MYSM1: variants seen among roughly 807,000 people sequenced by gnomAD.
The protein encoded by MYSM1 is deubiquitinase MYSM1.
A neutral mutation model predicts 116.0 loss-of-function variants in MYSM1; 51 were observed. The ratio of observed to expected loss-of-function variants is 0.44; its 90% CI spans 0.35 to 0.56. The LOEUF (loss-of-function observed/expected upper bound fraction) is 0.56, where lower values mean the gene tolerates loss of function less well. MYSM1 is among the 20% of genes least tolerant of loss of function. The pLI is 0.00. For synonymous variants in MYSM1, 313 were observed against 315.2 expected (o/e 0.99, Z 0.07); for missense variants, 900 against 974.9 (o/e 0.92, Z 1.02).
chr1:58,682,676 T>C, intron 7 of MYSM1, 131 bp from the exon 8 acceptor site: 3 of 789,588 alleles, frequency 3.8e-6, no homozygotes, highest in Non-Finnish European at 3.6e-6. Flanking sequence ...ATACCTCTAA[T>C]GCGCTTTTCT....
At chr1:58,698,102 A>ATATATATATATATATTTTTTTTTTTT in intron 1 of MYSM1, among the ~76,000 whole-genome samples, 6 of 7,766 alleles carry the variant, frequency 7.7e-4, no homozygotes, top group Non-Finnish European at 1.5e-3. Flanking sequence ...ATATATATAT[A>ATATATATATATATATTTTTTTTTTTT]TTTTTTTTTT....
At chr1:58,666,888 T>TA (rs1644480502) in intron 16 of MYSM1, 150 bp downstream of exon 16, 10 of 216,526 alleles carry the variant, frequency 4.6e-5, no homozygotes, top group Middle Eastern at 1.1e-3. Flanking sequence ...AAAAAAATAA[T>TA]AATAAAAATA....
chr1:58,699,530 G>T, intron 1 of MYSM1: 1 of 688,394 alleles, frequency 1.5e-6, no homozygotes, highest in Non-Finnish European at 1.8e-6. Flanking sequence ...CTGCTTCTCG[G>T]GAAGTTTTAC....
Position 58,682,532 on chromosome 1 carries a change from A to C in MYSM1, c.512T>G (p.Leu171Arg). 1 of 1,603,758 alleles carries C rather than the reference A, an allele frequency of 6.2e-7. No homozygotes were observed. The highest frequency in any genetic ancestry group is 8.5e-7 in the Non-Finnish European group (1 of 1,175,598). ...CTTCTGATTTGGTGTTTCTTTATCC[A>C]GACCGCATTTGACCTTATTAAAAAT... ...QYFKNKVKCG[L>R]DKETPNQKTG... Residue 171 changes from leucine to arginine, a missense_variant, in exon 8 of 20, where the codon CTG (leucine) becomes CGG (arginine). Leu to Arg is a moderately radical substitution (Grantham distance 102). This residue lies in a region of MYSM1 where 622 missense variants were observed against 623.7 expected (regional missense o/e 1.00). Transcript: ENST00000472487.
chr1:58,696,549 T>G (rs1644976712), intron 1 of MYSM1, among the ~76,000 whole-genome samples: 1 of 152,228 alleles, frequency 6.6e-6, no homozygotes, highest in South Asian at 2.1e-4. Flanking sequence ...TTCTGCTGTT[T>G]CTCCCATTTT....
chr1:58,695,053 A>T (rs1569809208), intron 2 of MYSM1, 76 bp downstream of exon 2: 4 of 82,418 alleles, frequency 4.9e-5, no homozygotes, highest in East Asian at 3.0e-4. Flanking sequence ...CACTAAGTTT[A>T]AAAAAAAAAA....
rs1385863464 is a variant in MYSM1 at position 58,682,308 on chromosome 1, A to G, written c.736T>C (p.Leu246=). 3.1e-5 allele frequency: 50 copies of G among 1,613,170 alleles called. No individual in the cohort carries two copies. The highest frequency in any genetic ancestry group is 4.2e-5 in the Non-Finnish European group (50 of 1,179,378). Reference sequence around the variant, plus strand: ...ATTTTACTATTAGGAAAGTCTAACAAGAGATCACTGCTAGAATTCTTCTGG... The same window carrying G: ...ATTTTACTATTAGGAAAGTCTAACAGGAGATCACTGCTAGAATTCTTCTGG... ...TPQKNSSSDL[L]LDFPNSKMHE... is the part of the protein sequence containing the mutation. The change falls in exon 8 of 20, where the codon TTG becomes CTG. Residue 246 remains leucine, a synonymous_variant. Transcript: ENST00000472487.
intron 10 of MYSM1, 85 bp downstream of exon 10, chr1:58,675,392 T>TAA (rs1206803868): frequency 4.3e-6 from 4 of 921,304 alleles, no homozygotes; most frequent in Admixed American, 4.4e-5. Flanking sequence ...GGTCATTTAT[T>TAA]AAACAGCTCA....
chr1:58,669,461 A>AT (rs1644523173), intron 12 of MYSM1, among the ~76,000 whole-genome samples: 1 of 152,216 alleles, frequency 6.6e-6, no homozygotes, highest in South Asian at 2.1e-4. Context: ...AACTTAAAAC[A>AT]TTTTTTGAAT....
intron 3 of MYSM1, among the ~76,000 whole-genome samples, chr1:58,691,183 G>A (rs1327413738): frequency 6.8e-6 from 1 of 146,072 alleles, no homozygotes; most frequent in Non-Finnish European, 1.5e-5. Context: ...AGAAGGCTGA[G>A]GCAGGAGAAT....
In MYSM1 at chr1:58,654,883, T is replaced by G. The variant is rs555204002; in HGVS notation, c.*5114A>C. 9.2e-5 allele frequency: 14 copies of G among 152,002 alleles called. No individual in the cohort carries two copies. Among genetic ancestry groups the G allele is most frequent in the Non-Finnish European group, 1.8e-4 (12 of 68,004 alleles). 9.4% of individuals were successfully genotyped at this position (152,002 alleles called of 1,614,324 possible). ...AGAGTTCTGTCATTTTTGAGGAAAATCTTTCATAATTCTTAAAATGCAGGT... is the reference window on the plus strand; with the variant it reads ...AGAGTTCTGTCATTTTTGAGGAAAAGCTTTCATAATTCTTAAAATGCAGGT... On this transcript the variant is annotated 3_prime_UTR_variant, in exon 20 of 20. Transcript: ENST00000472487.
rs1356173698 is a variant in MYSM1 at position 58,682,423 on chromosome 1, G to A, written c.621C>T (p.Pro207=). The change falls in exon 8 of 20, where the codon CCC becomes CCT. Residue 207 remains proline (P), a synonymous_variant. Transcript: ENST00000472487. ...TPSCLRGRAD[P]NLNAVKIEKL... ...TTTCAATTTTTACAGCATTCAAGTT[G>A]GGATCAGCACGTCCCCTTAAACATG... 1.1e-5 allele frequency: 18 copies of A among 1,613,958 alleles called. No homozygotes were observed. The highest frequency in any genetic ancestry group is 1.7e-5 in the Admixed American group (1 of 59,984).
chr1:58,696,678 CT>C (rs1216019479), intron 1 of MYSM1, among the ~76,000 whole-genome samples: 2 of 152,172 alleles, frequency 1.3e-5, no homozygotes, highest in East Asian at 3.8e-4. Context: ...ACCTCCCCTC[CT>C]TTATCTTTCT....
chr1:58,675,565 T>TTA lies in MYSM1; in HGVS notation c.1404_1405dup (p.Asn469IlefsTer19). 6.2e-7 allele frequency: 1 copy of TTA among 1,613,292 alleles called. No individual in the cohort carries two copies. The highest frequency in any genetic ancestry group is 8.5e-7 in the Non-Finnish European group (1 of 1,179,544). ...TACTTTGTCAACTGTTTGTGGCCTA[T>TTA]TATACACAGCCTGTTCTATTGGAAT... On this transcript the variant is annotated frameshift_variant, in exon 10 of 20. Coordinates refer to ENST00000472487, the MANE Select transcript of MYSM1 (RefSeq NM_001085487.3). LOFTEE classifies it high-confidence loss of function.
chr1:58,682,670 C>A, intron 7 of MYSM1, 125 bp from the exon 8 acceptor site: 1 of 825,118 alleles, frequency 1.2e-6, no homozygotes, highest in Non-Finnish European at 1.7e-6. Flanking sequence ...TACATTATAC[C>A]TCTAATGCGC....
At chr1:58,676,873 C>CT in intron 9 of MYSM1, 53 bp downstream of exon 9, 1 of 1,579,790 alleles carries the variant, frequency 6.3e-7, no homozygotes, top group Non-Finnish European at 8.6e-7. Context: ...TGAATAAGTG[C>CT]TGTAAGGATA....
chr1:58,693,381 A>G (rs1474010623), intron 2 of MYSM1, among the ~76,000 whole-genome samples: 1 of 152,160 alleles, frequency 6.6e-6, no homozygotes, highest in African/African-American at 2.4e-5. Context: ...TCTCTTCTTC[A>G]AGCTCTAGGC....
At chr1:58,696,331 C>T (rs1159934648) in intron 1 of MYSM1, among the ~76,000 whole-genome samples, 2 of 152,210 alleles carry the variant, frequency 1.3e-5, no homozygotes, top group Non-Finnish European at 2.9e-5. Flanking sequence ...AACACTCATA[C>T]TCTGGTAGCT....
intron 12 of MYSM1, among the ~76,000 whole-genome samples, chr1:58,670,150 CG>C (rs1250839705): frequency 6.6e-6 from 1 of 152,088 alleles, no homozygotes; most frequent in African/African-American, 2.4e-5. Flanking sequence ...TGATCAGAAC[CG>C]TGCCTGACAT....
Sources: allele counts gnomAD v4.1 joint callset (sites outside exome capture counted in the v4.1 genomes callset), GRCh38; gene constraint gnomAD v4.1.1; regional missense constraint gnomAD v4.1.1; transcripts MANE v1.5; gene names NCBI Gene and HGNC (gene_info 2026-07-23, HGNC 2026-07-21).